HECW2: variants seen among roughly 807,000 people sequenced by gnomAD.
The protein encoded by HECW2 is E3 ubiquitin-protein ligase HECW2.
Under a neutral mutation model 175.2 loss-of-function variants are expected in HECW2, and 61 were observed. The ratio of observed to expected loss-of-function variants is 0.35; its 90% CI spans 0.28 to 0.43. The LOEUF (loss-of-function observed/expected upper bound fraction) is 0.43. Ranked by LOEUF, HECW2 falls within the 20% of genes least tolerant of loss-of-function variation. The pLI is 1.00. For synonymous variants in HECW2, 671 were observed against 731.0 expected, an observed-to-expected ratio of 0.92 and a Z score of 1.32; for missense variants, 1,524 against 2,000.5, an observed-to-expected ratio of 0.76 and a Z score of 4.54.
chr2:196,243,523 T>C (rs1688540439), intron 19 of HECW2, among the ~76,000 whole-genome samples: 1 of 152,182 alleles, frequency 6.6e-6, no homozygotes, highest in Non-Finnish European at 1.5e-5. Flanking sequence ...TATATAAGCA[T>C]ATTTTATACG....
chr2:196,395,714 T>TAAA (rs141335051), intron 2 of HECW2, among the ~76,000 whole-genome samples: 2 of 139,234 alleles, frequency 1.4e-5, no homozygotes, highest in African/African-American at 6.1e-5. Flanking sequence ...TTTTTTTTTT[T>TAAA]TAAAAAAAGA....
chr2:196,531,732 G>A (rs755973708), intron 1 of HECW2, among the ~76,000 whole-genome samples: 1 of 151,330 alleles, frequency 6.6e-6, no homozygotes, highest in Non-Finnish European at 1.5e-5. Context: ...CTTTGCACAC[G>A]CTGTTACCTA....
intron 1 of HECW2, among the ~76,000 whole-genome samples, chr2:196,448,129 T>C (rs1286918897): frequency 6.6e-6 from 1 of 152,224 alleles, no homozygotes; most frequent in Non-Finnish European, 1.5e-5. Flanking sequence ...ATATTTGTGA[T>C]TATAACCTAA....
chr2:196,235,774 G>T (rs1218596564), intron 21 of HECW2, among the ~76,000 whole-genome samples: 1 of 146,676 alleles, frequency 6.8e-6, no homozygotes, highest in East Asian at 2.2e-4. Context: ...TCCTGCCTCA[G>T]CCTCCCGAGT....
intron 10 of HECW2, among the ~76,000 whole-genome samples, chr2:196,309,273 T>C (rs989563148): frequency 2.6e-5 from 4 of 152,164 alleles, no homozygotes; most frequent in African/African-American, 9.7e-5. Context: ...AGACATCTTT[T>C]GTTGATCTCA....
At chr2:196,220,179 A>G (rs1687615577) in intron 25 of HECW2, 26 bp from the exon 26 acceptor site, 1 of 1,420,230 alleles carries the variant, frequency 7.0e-7, no homozygotes, top group Non-Finnish European at 9.9e-7. Context: ...AGTACAAGGC[A>G]TGGCTTAGGA....
chr2:196,530,451 TG>T (rs1191337023), intron 1 of HECW2, among the ~76,000 whole-genome samples: 1 of 152,196 alleles, frequency 6.6e-6, no homozygotes, highest in Non-Finnish European at 1.5e-5. Context: ...CTTTCTCACC[TG>T]GATTACAGCA....
intron 1 of HECW2, among the ~76,000 whole-genome samples, chr2:196,497,310 A>T (rs1687428477): frequency 1.3e-5 from 2 of 152,210 alleles, no homozygotes; most frequent in Non-Finnish European, 2.9e-5. Context: ...CTAGGAAAGA[A>T]ATTCAGGCTG....
intron 1 of HECW2, among the ~76,000 whole-genome samples, chr2:196,526,954 A>G (rs1688676964): frequency 6.6e-6 from 1 of 152,072 alleles, no homozygotes; most frequent in Non-Finnish European, 1.5e-5. Context: ...CTGCCCCCAG[A>G]GGTGGAGCCT....
intron 3 of HECW2, among the ~76,000 whole-genome samples, chr2:196,342,554 G>A (rs1180008564): frequency 6.6e-6 from 1 of 151,630 alleles, no homozygotes; most frequent in Non-Finnish European, 1.5e-5. Flanking sequence ...AATAATATTG[G>A]TGGCAACTAT....
At chr2:196,233,779 T>C (rs534630981) in intron 21 of HECW2, among the ~76,000 whole-genome samples, 46 of 152,306 alleles carry the variant, frequency 3.0e-4, no homozygotes, top group Non-Finnish European at 5.1e-4. Flanking sequence ...CACCATAAAG[T>C]GTACCTTGAA....
chr2:196,196,116 C>T lies in HECW2; in HGVS notation c.*5161G>A, dbSNP rs1164425628. 1 of 152,304 alleles carries T rather than the reference C, an allele frequency of 6.6e-6. No individual in the cohort carries two copies. Among genetic ancestry groups the T allele is most frequent in the Non-Finnish European group, 1.5e-5 (1 of 68,134 alleles). The allele number at this position is 152,304 out of a possible 1,614,324, so 9.4% of individuals were successfully genotyped here. ...CTGACCCAGATGGCTATGATATGGA[C>T]AGCACACACACGGTCATCCTTCCTG... On this transcript the variant is annotated 3_prime_UTR_variant, in exon 29 of 29. Transcript: ENST00000644978.
chr2:196,224,511 A>G (rs1229870510), intron 23 of HECW2, among the ~76,000 whole-genome samples: 1 of 152,148 alleles, frequency 6.6e-6, no homozygotes, highest in Non-Finnish European at 1.5e-5. Context: ...AGAGGGACTC[A>G]TGAAGGGACA....
At chr2:196,353,965 C>T (rs922214359) in intron 2 of HECW2, among the ~76,000 whole-genome samples, 1 of 152,148 alleles carries the variant, frequency 6.6e-6, no homozygotes, top group Non-Finnish European at 1.5e-5. Context: ...ACCTCATCAC[C>T]CTTCAATTGT....
At chr2:196,293,700 C>A (rs1690692303) in intron 13 of HECW2, among the ~76,000 whole-genome samples, 1 of 152,178 alleles carries the variant, frequency 6.6e-6, no homozygotes, top group Non-Finnish European at 1.5e-5. Flanking sequence ...CAAAATTATA[C>A]CACACTGGCG....
intron 1 of HECW2, among the ~76,000 whole-genome samples, chr2:196,575,764 C>G (rs558519541): frequency 6.6e-6 from 1 of 152,216 alleles, no homozygotes; most frequent in East Asian, 1.9e-4. Flanking sequence ...CTGGTGAGGT[C>G]TCAGGAAACT....
At chr2:196,489,363 G>C (rs1687112836) in intron 1 of HECW2, among the ~76,000 whole-genome samples, 1 of 152,060 alleles carries the variant, frequency 6.6e-6, no homozygotes, top group Non-Finnish European at 1.5e-5. Context: ...TTTCTTCTAA[G>C]GTCCTCAAAG....
At chr2:196,424,355 T>C (rs946792676) in intron 2 of HECW2, among the ~76,000 whole-genome samples, 3 of 152,068 alleles carry the variant, frequency 2.0e-5, no homozygotes, top group Admixed American at 6.6e-5. Context: ...CCTCTAAGTA[T>C]TTAAATGAAA....
chr2:196,374,171 T>C (rs1693986475), intron 2 of HECW2, among the ~76,000 whole-genome samples: 1 of 152,158 alleles, frequency 6.6e-6, no homozygotes, highest in Non-Finnish European at 1.5e-5. Flanking sequence ...AGGTAAATTG[T>C]GGTACAGTCA....
Sources: allele counts gnomAD v4.1 joint callset (sites outside exome capture counted in the v4.1 genomes callset), GRCh38; gene constraint gnomAD v4.1.1; transcripts MANE v1.5; gene names NCBI Gene and HGNC (gene_info 2026-07-23, HGNC 2026-07-21).